The following LRFN5 variants were observed in gnomAD, a reference collection of about 807,000 sequenced individuals.
LRFN5 encodes the protein leucine rich repeat and fibronectin type III domain containing 5.
Under a neutral mutation model 45.6 loss-of-function variants are expected in LRFN5, and 24 were observed. The ratio of observed to expected loss-of-function variants is 0.53; its 90% CI spans 0.38 to 0.74. LRFN5 has a LOEUF of 0.74. Among genes scored for constraint, LRFN5 ranks in the 30% least tolerant of loss-of-function variants. LRFN5 has a pLI of 0.00. For synonymous variants in LRFN5, 340 were observed against 313.8 expected (o/e 1.08, Z -0.88); for missense variants, 776 against 861.5 (o/e 0.90, Z 1.24).
At chr14:41,769,010 G>T (rs1333600584) in intron 2 of LRFN5, among the ~76,000 whole-genome samples, 1 of 151,596 alleles carries the variant, frequency 6.6e-6, no homozygotes, top group Non-Finnish European at 1.5e-5. Flanking sequence ...TGTAGAAGTA[G>T]TACCTCATGT....
At chr14:41,687,947 T>C (rs984533117) in intron 1 of LRFN5, among the ~76,000 whole-genome samples, 1 of 152,028 alleles carries the variant, frequency 6.6e-6, no homozygotes, top group South Asian at 2.1e-4. Context: ...AAGAAATAAA[T>C]AAAAACAATA....
At chr14:41,802,537 A>G (rs1214448475) in intron 2 of LRFN5, among the ~76,000 whole-genome samples, 1 of 152,190 alleles carries the variant, frequency 6.6e-6, no homozygotes, top group Non-Finnish European at 1.5e-5. Flanking sequence ...GTCCTAGTTG[A>G]GAAAAGAGTT....
chr14:41,748,652 G>C (rs767472022), intron 1 of LRFN5, among the ~76,000 whole-genome samples: 4 of 152,010 alleles, frequency 2.6e-5, no homozygotes, highest in Non-Finnish European at 5.9e-5. Context: ...AATAGTAAAT[G>C]TGTTGTGCAT....
intron 1 of LRFN5, among the ~76,000 whole-genome samples, chr14:41,710,221 AT>A (rs979119814): frequency 6.6e-6 from 1 of 152,134 alleles, no homozygotes; most frequent in African/African-American, 2.4e-5. Flanking sequence ...GTATCAATAC[AT>A]TTTCTTTGGT....
chr14:41,821,677 T>C (rs955149644), intron 2 of LRFN5, among the ~76,000 whole-genome samples: 1 of 151,720 alleles, frequency 6.6e-6, no homozygotes, highest in East Asian at 1.9e-4. Context: ...TCTTTTTTGA[T>C]TTTTTTGAAA....
chr14:41,815,005 A>T (rs1234433641), intron 2 of LRFN5, among the ~76,000 whole-genome samples: 3 of 152,204 alleles, frequency 2.0e-5, no homozygotes, highest in African/African-American at 7.2e-5. Flanking sequence ...AACTAAAAAA[A>T]AGTCTATTCC....
intron 2 of LRFN5, among the ~76,000 whole-genome samples, chr14:41,834,711 G>T (rs1306279115): frequency 3.3e-5 from 5 of 151,636 alleles, no homozygotes; most frequent in Non-Finnish European, 7.4e-5. Flanking sequence ...GCCCAGGCTG[G>T]AGTGCAGTGG....
At chr14:41,692,419 T>A (rs1882417408) in intron 1 of LRFN5, among the ~76,000 whole-genome samples, 1 of 152,134 alleles carries the variant, frequency 6.6e-6, no homozygotes, top group Non-Finnish European at 1.5e-5. Flanking sequence ...TAATTTTCTT[T>A]TTTTTATTAT....
At chr14:41,673,393 C>A in intron 1 of LRFN5, among the ~76,000 whole-genome samples, 1 of 134,326 alleles carries the variant, frequency 7.4e-6, no homozygotes, top group Non-Finnish European at 1.6e-5. Flanking sequence ...GGGCAGGGGG[C>A]TGACCCGCCC....
rs138744066 is a variant in LRFN5 at position 41,695,563 on chromosome 14, C to T, written c.-196-71291C>T. On this transcript the variant is annotated intron_variant, in intron 1 of 5. Coordinates refer to ENST00000298119, the MANE Select transcript of LRFN5 (RefSeq NM_152447.5). The stretch of plus-strand genomic sequence containing the variant: ...GGTGACTTGGAAGTTGAAGCCAGTG[C>T]TTAGCTATCATTCTGCAAATCCTAA... Among the ~76,000 whole-genome samples, 8 of 152,016 alleles carry T rather than the reference C, an allele frequency of 5.3e-5. No homozygotes were observed. In the East Asian group the frequency reaches 1.5e-3, roughly 29 times the overall value.
At chr14:41,808,042 A>C (rs975258995) in intron 2 of LRFN5, among the ~76,000 whole-genome samples, 2 of 150,754 alleles carry the variant, frequency 1.3e-5, no homozygotes, top group African/African-American at 4.9e-5. Context: ...CTACAGTGCA[A>C]ATATGTAGAC....
chr14:41,793,964 A>G (rs1287807142), intron 2 of LRFN5, among the ~76,000 whole-genome samples: 1 of 152,118 alleles, frequency 6.6e-6, no homozygotes, highest in East Asian at 1.9e-4. Context: ...ACATGCAGAA[A>G]CAAGGGAGTT....
chr14:41,684,395 G>A (rs895444282), intron 1 of LRFN5, among the ~76,000 whole-genome samples: 9 of 152,160 alleles, frequency 5.9e-5, no homozygotes, highest in Admixed American at 6.5e-5. Flanking sequence ...GATTATGGTG[G>A]ACAGCAAAGG....
chr14:41,870,957 T>C (rs1889999480), intron 2 of LRFN5, among the ~76,000 whole-genome samples: 2 of 152,150 alleles, frequency 1.3e-5, no homozygotes, highest in Non-Finnish European at 2.9e-5. Context: ...AGGTATATTA[T>C]AATTCATCTA....
intron 2 of LRFN5, among the ~76,000 whole-genome samples, chr14:41,781,490 A>AGAAG (rs1285359382): frequency 1.4e-5 from 2 of 140,490 alleles, no homozygotes; most frequent in South Asian, 5.3e-4. Flanking sequence ...AATAAAATTA[A>AGAAG]GAAGGAAGGA....
chr14:41,648,959 T>C (rs545496190), intron 1 of LRFN5, among the ~76,000 whole-genome samples: 1 of 152,174 alleles, frequency 6.6e-6, no homozygotes, highest in East Asian at 1.9e-4. Context: ...ATAATGAAAA[T>C]TAAACGTTTT....
chr14:41,670,254 CAGAT>C (rs1311786137), intron 1 of LRFN5, among the ~76,000 whole-genome samples: 4 of 59,916 alleles, frequency 6.7e-5, no homozygotes, highest in Non-Finnish European at 1.3e-4. Flanking sequence ...CACATACACA[CAGAT>C]ATATATATAT....
chr14:41,612,835 A>T (rs1209656954), intron 1 of LRFN5, among the ~76,000 whole-genome samples: 2 of 152,130 alleles, frequency 1.3e-5, no homozygotes, highest in East Asian at 3.8e-4. Flanking sequence ...GTATGTTATT[A>T]TGAAAATTCC....
chr14:41,904,233 T>C lies in LRFN5; in HGVS notation c.*58T>C. ...ATTTGCCACTGATATTTTTACTGGATAAAATTCAAAAATGTTTCAATTCAC... is the reference window on the plus strand; with the variant it reads ...ATTTGCCACTGATATTTTTACTGGACAAAATTCAAAAATGTTTCAATTCAC... On this transcript the variant is annotated 3_prime_UTR_variant, in exon 6 of 6. Transcript: ENST00000298119. 1 of 1,595,102 alleles carries C rather than the reference T, an allele frequency of 6.3e-7. No homozygotes were observed. Among genetic ancestry groups the C allele is most frequent in the Non-Finnish European group, 8.6e-7 (1 of 1,166,458 alleles).
Sources: allele counts gnomAD v4.1 joint callset (sites outside exome capture counted in the v4.1 genomes callset), GRCh38; gene constraint gnomAD v4.1.1; transcripts MANE v1.5; gene names NCBI Gene and HGNC (gene_info 2026-07-23, HGNC 2026-07-21).